LRRC49: variants seen among roughly 807,000 people sequenced by gnomAD.
LRRC49 encodes leucine rich repeat containing 49.
In LRRC49, 50 loss-of-function variants were observed where a neutral mutation model predicts 83.3. The observed-to-expected ratio is 0.60, with a 90% confidence interval of 0.48 to 0.76. The LOEUF is 0.76. LRRC49 is among the 30% of genes least tolerant of loss of function. LRRC49 has a pLI of 0.00. For synonymous variants in LRRC49, 286 were observed against 283.3 expected, an observed-to-expected ratio of 1.01 and a Z score of -0.10; for missense variants, 704 against 809.1, an observed-to-expected ratio of 0.87 and a Z score of 1.58.
chr15:70,911,640 G>T (rs773157571), intron 6 of LRRC49, 42 bp downstream of exon 6: 2 of 1,262,064 alleles, frequency 1.6e-6, no homozygotes, highest in South Asian at 1.4e-5. Context: ...TTGAAAAAAA[G>T]TCCAGGAAAA....
At chr15:70,984,489 C>A in intron 11 of LRRC49, 1 of 366,428 alleles carries the variant, frequency 2.7e-6, no homozygotes. Context: ...GTCTAGATTT[C>A]TTAATATAGT....
chr15:71,006,072 C>T (rs544210042), intron 11 of LRRC49, among the ~76,000 whole-genome samples: 1 of 152,262 alleles, frequency 6.6e-6, no homozygotes, highest in Non-Finnish European at 1.5e-5. Flanking sequence ...AGCCTGTCTG[C>T]AGCCCAGGAG....
Position 71,050,698 on chromosome 15 carries a change from C to T in LRRC49, c.*1086C>T, listed in dbSNP as rs1326752430. ...ACATGCAGAGACACCTGGAAGGAAG[C>T]TAGGTAAGCTGCTATTGCGGTTCTG... On this transcript the variant is annotated 3_prime_UTR_variant, in exon 16 of 16. Transcript: ENST00000260382. 1.3e-5 allele frequency: 2 copies of T among 152,200 alleles called. No homozygotes were observed. Among genetic ancestry groups the T allele is most frequent in the African/African-American group, 4.8e-5 (2 of 41,434 alleles). 9.4% of individuals were successfully genotyped at this position (152,200 alleles called of 1,614,324 possible).
At chr15:70,913,495 G>A (rs921264651) in intron 6 of LRRC49, among the ~76,000 whole-genome samples, 3 of 152,228 alleles carry the variant, frequency 2.0e-5, no homozygotes, top group Non-Finnish European at 4.4e-5. Context: ...GTGCTAGAAG[G>A]GGAAGAAGAA....
intron 2 of LRRC49, chr15:70,882,287 TCATTGTGTTGGCAAG>T: frequency 1.7e-6 from 1 of 583,788 alleles, no homozygotes; most frequent in Admixed American, 3.1e-5. Flanking sequence ...GGTATTATCT[TCATTGTGTTGGCAAG>T]CAAGCAAACT....
intron 5 of LRRC49, among the ~76,000 whole-genome samples, chr15:70,908,908 G>C (rs938381029): frequency 1.1e-4 from 16 of 152,310 alleles, no homozygotes; most frequent in Admixed American, 5.9e-4. Flanking sequence ...GTGCAGGAAT[G>C]AGCAAAGACA....
At chr15:70,870,091 C>T (rs1224546157) in intron 1 of LRRC49, among the ~76,000 whole-genome samples, 1 of 152,200 alleles carries the variant, frequency 6.6e-6, no homozygotes, top group South Asian at 2.1e-4. Context: ...GGTACAAAAT[C>T]CAGAGGACAA....
At chr15:70,891,874 G>C (rs1203205380), upstream of LRRC49, 2 of 1,607,562 alleles carry the variant, frequency 1.2e-6, no homozygotes, top group Non-Finnish European at 1.7e-6. Context: ...TCCCAGCTCG[G>C]GGGCGTGTAC....
chr15:70,869,908 C>T (rs1382854190), intron 1 of LRRC49, among the ~76,000 whole-genome samples: 1 of 152,082 alleles, frequency 6.6e-6, no homozygotes, highest in Non-Finnish European at 1.5e-5. Flanking sequence ...GAGTTTATTA[C>T]TGATTTTATT....
intron 6 of LRRC49, chr15:70,918,767 G>A (rs556838884): frequency 1.6e-4 from 41 of 259,906 alleles, no homozygotes; most frequent in African/African-American, 9.1e-4. Context: ...GGGACAGACT[G>A]GGCACGTAAA....
rs778921117 is a variant in LRRC49 at position 70,895,900 on chromosome 15, C to T, written c.157C>T (p.Gln53Ter). Residue 53 changes from glutamine (Q) to a stop codon, truncating the protein, a stop_gained, in exon 3 of 16, where the codon CAA (glutamine) becomes TAA (stop). Transcript: ENST00000260382. LOFTEE classifies it high-confidence loss of function. Reference protein sequence around the residue: ...DTSSFPGRLLQHDLERNYSSR... With the variant: ...DTSSFPGRLL ...ATCGTCATTCCCCGGTAGACTTTTA[C>T]AACATGACCTTGAAAGAAACTACTC... 3.1e-6 allele frequency: 5 copies of T among 1,610,938 alleles called. No individual in the cohort carries two copies. Among genetic ancestry groups the T allele is most frequent in the Non-Finnish European group, 4.2e-6 (5 of 1,178,356 alleles).
intron 2 of LRRC49, among the ~76,000 whole-genome samples, chr15:70,873,981 T>G (rs770537376): frequency 9.2e-5 from 14 of 152,214 alleles, no homozygotes; most frequent in Non-Finnish European, 2.1e-4. Context: ...GGGATTGAGA[T>G]GTCAAGGATA....
At chr15:70,928,720 C>T (rs1466561451) in intron 7 of LRRC49, among the ~76,000 whole-genome samples, 1 of 152,102 alleles carries the variant, frequency 6.6e-6, no homozygotes, top group Non-Finnish European at 1.5e-5. Flanking sequence ...TGTGCACTAC[C>T]ATGCCTGGCT....
intron 14 of LRRC49, among the ~76,000 whole-genome samples, chr15:71,018,596 C>A (rs1424076244): frequency 6.6e-6 from 1 of 152,170 alleles, no homozygotes; most frequent in Non-Finnish European, 1.5e-5. Flanking sequence ...TGCTCTTACA[C>A]ACCATTCAAC....
At chr15:70,898,358 T>C (rs550779277) in intron 3 of LRRC49, 2 of 688,536 alleles carry the variant, frequency 2.9e-6, no homozygotes, top group East Asian at 5.4e-5. Flanking sequence ...GATTGCCTAC[T>C]GAATTTAGAT....
At chr15:71,032,315 C>T (rs1296129556) in intron 14 of LRRC49, among the ~76,000 whole-genome samples, 1 of 152,062 alleles carries the variant, frequency 6.6e-6, no homozygotes, top group Non-Finnish European at 1.5e-5. Flanking sequence ...GACCCATTGC[C>T]TAACCAGTCC....
chr15:70,863,103 CT>C (rs768419814), intron 1 of LRRC49, among the ~76,000 whole-genome samples: 1 of 152,188 alleles, frequency 6.6e-6, no homozygotes, highest in Non-Finnish European at 1.5e-5. Context: ...TAAAGTGGTC[CT>C]TTGTGCCAAT....
chr15:70,976,662 A>G (rs1012917367), intron 9 of LRRC49, among the ~76,000 whole-genome samples: 3 of 152,264 alleles, frequency 2.0e-5, no homozygotes, highest in African/African-American at 2.4e-5. Context: ...AGTGAGGAAA[A>G]AGTAGTTTTT....
At chr15:70,853,865 T>C (rs1216432279) in intron 1 of LRRC49, 1 of 1,253,676 alleles carries the variant, frequency 8.0e-7, no homozygotes, top group East Asian at 3.3e-5. Flanking sequence ...GGGGCCCACC[T>C]CCCGGGCCAG....
Sources: gnomAD v4.1 joint callset for allele counts (sites outside exome capture counted in the v4.1 genomes callset) on GRCh38, gnomAD v4.1.1 for gene constraint, MANE v1.5 for transcripts, NCBI Gene and HGNC (gene_info 2026-07-23, HGNC 2026-07-21) for gene names.